The following MFSD12 variants were observed in gnomAD, a reference collection of about 807,000 sequenced individuals.
MFSD12 encodes major facilitator superfamily domain-containing protein 12.
A neutral mutation model predicts 51.2 loss-of-function variants in MFSD12; 67 were observed. The ratio of observed to expected loss-of-function variants is 1.31; its 90% CI spans 1.08 to 1.60. The LOEUF (loss-of-function observed/expected upper bound fraction) is 1.60, where lower values mean the gene tolerates loss of function less well. MFSD12 is among the 40% of genes most tolerant of loss of function. The pLI is 0.00. For synonymous variants in MFSD12, 441 were observed against 316.7 expected (o/e 1.39, Z -4.17); for missense variants, 921 against 673.0 (o/e 1.37, Z -4.08).
rs1474112125 is a variant in MFSD12 at position 3,547,345 on chromosome 19, G to A, written c.950C>T (p.Pro317Leu). The change falls in exon 6 of 10, where the codon CCC (proline) becomes CTC (leucine). Residue 317 changes from proline (P) to leucine (L), a missense_variant. Transcript: ENST00000355415. ...HLPKKFIATI[P>L]LVMYLSGFLS... ...GAAGCCGCTGAGGTACATCACCAGG[G>A]GAATGGTCGCGATGAACTTCTGCGG... 2 of 1,613,204 alleles carry A rather than the reference G, an allele frequency of 1.2e-6. No homozygotes were observed. The highest frequency in any genetic ancestry group is 1.3e-5 in the African/African-American group (1 of 74,948).
At chr19:3,547,705 A>C in intron 4 of MFSD12, 143 bp downstream of exon 4, 1 of 1,179,976 alleles carries the variant, frequency 8.5e-7, no homozygotes, top group Middle Eastern at 2.9e-4. Flanking sequence ...GGAGAGCAGC[A>C]CTTGATGAGT....
At chr19:3,550,594 G>A (rs2145207825) in intron 2 of MFSD12, among the ~76,000 whole-genome samples, 1 of 152,192 alleles carries the variant, frequency 6.6e-6, no homozygotes, top group Non-Finnish European at 1.5e-5. Flanking sequence ...GGTTTCACGT[G>A]TTAGCGAGGA....
chr19:3,541,204 C>T (rs1175500263), downstream of MFSD12, among the ~76,000 whole-genome samples: 1 of 148,094 alleles, frequency 6.8e-6, no homozygotes, highest in Non-Finnish European at 1.5e-5. Context: ...GGCATGGCGG[C>T]ACGTGCCTGT....
At chr19:3,546,670 T>A (rs901105895) in intron 6 of MFSD12, among the ~76,000 whole-genome samples, 5 of 152,192 alleles carry the variant, frequency 3.3e-5, no homozygotes, top group Non-Finnish European at 1.5e-5. Flanking sequence ...GCAGGTCAGT[T>A]ACAACGAAAG....
At chr19:3,547,664 A>C in intron 4 of MFSD12, 117 bp from the exon 5 acceptor site, 1 of 1,175,260 alleles carries the variant, frequency 8.5e-7, no homozygotes, top group Non-Finnish European at 1.2e-6. Flanking sequence ...ATCCATTGGT[A>C]GTGACTGCCC....
Position 3,546,254 on chromosome 19 carries a change from C to T in MFSD12, c.1194+1G>A, listed in dbSNP as rs745385773. ...CACCCCAGCCTGGCTACCAGCCCTA[C>T]CGTGTGGGGACCGATGAGGTCGGCC... is the stretch of plus-strand genomic sequence containing the variant. On this transcript the variant is annotated splice_donor_variant, in intron 7 of 9. Transcript: ENST00000355415. LOFTEE classifies it high-confidence loss of function. The T allele has an allele frequency of 1.2e-6, 2 of 1,610,294 alleles. No individual in the cohort carries two copies. Among genetic ancestry groups the T allele is most frequent in the Non-Finnish European group, 1.7e-6 (2 of 1,178,630 alleles).
chr19:3,548,609 G>A (rs552904410), intron 2 of MFSD12, among the ~76,000 whole-genome samples: 4 of 152,278 alleles, frequency 2.6e-5, no homozygotes, highest in Non-Finnish European at 2.9e-5. Context: ...GATGCTGGGC[G>A]GCTAAAGGGC....
Position 3,546,197 on chromosome 19 carries a change from G to A in MFSD12, c.1195-29C>T, listed in dbSNP as rs45558233. The A allele has an allele frequency of 1.5e-3, 2,482 of 1,610,210 alleles. 12 individuals carry two copies. The highest frequency in any genetic ancestry group is 0.015 in the African/African-American group (1,148 of 75,032). The stretch of plus-strand genomic sequence containing the variant: ...TGGAGACACAGGCGAGGTGGTCAGC[G>A]TGCACCCCGAGATCTAGGACCCGGC... On this transcript the variant is annotated intron_variant, in intron 7 of 9. Transcript: ENST00000355415.
In MFSD12 at chr19:3,545,639, AACC is replaced by A. The variant is rs780833360; in HGVS notation, c.1289+432_1289+434del. Among the ~76,000 whole-genome samples the A allele has an allele frequency of 8.8e-4, 134 of 152,310 alleles. 1 individual carries two copies. The highest frequency in any genetic ancestry group is 2.9e-3 in the Admixed American group (44 of 15,296). On this transcript the variant is annotated intron_variant, in intron 8 of 9. Transcript: ENST00000355415. ...TTTACACACCACCCACGCCGGTACCAACCACATGTTCACCTCTGTGACTATTAA... is the reference window on the plus strand; with the variant it reads ...TTTACACACCACCCACGCCGGTACCAACATGTTCACCTCTGTGACTATTAA...
In MFSD12 at chr19:3,547,486, A is replaced by G. The variant is rs928221846; in HGVS notation, c.899T>C (p.Met300Thr). ...IVNLSQTYMA[M>T]YLTYSLHLPK... ...CAGGTGGAGCGAGTAGGTGAGGTAC[A>G]TGGCCATGTAGGTCTGGGACAGGTT... The change falls in exon 5 of 10, where the codon ATG becomes ACG. Residue 300 changes from methionine (M) to threonine (T), a missense_variant. By Grantham distance (81) the Met-to-Thr change is moderately conservative. Transcript: ENST00000355415. 3.7e-6 allele frequency: 6 copies of G among 1,613,146 alleles called. No individual in the cohort carries two copies. Among genetic ancestry groups the G allele is most frequent in the African/African-American group, 1.3e-5 (1 of 75,058 alleles).
rs115928860 is a variant in MFSD12 at position 3,553,035 on chromosome 19, G to A, written c.299-1841C>T. On this transcript the variant is annotated intron_variant, in intron 1 of 9. Coordinates refer to ENST00000355415, the MANE Select transcript of MFSD12 (RefSeq NM_174983.5). ...GACCTCATCCCCAGACCCTGGGCCC[G>A]CCCCCAGAGAACTGGAATTGGGAAG... Among the ~76,000 whole-genome samples the A allele has an allele frequency of 2.2e-3, 335 of 152,202 alleles. 2 individuals are homozygous for A. Among genetic ancestry groups the A allele is most frequent in the African/African-American group, 7.9e-3 (329 of 41,542 alleles).
downstream of MFSD12, chr19:3,541,691 G>A: frequency 3.0e-6 from 3 of 985,394 alleles, no homozygotes; most frequent in Non-Finnish European, 3.6e-6. Context: ...TGTAATAACG[G>A]GGGTGAGTGC....
chr19:3,550,477 C>T (rs2031410200), intron 2 of MFSD12, among the ~76,000 whole-genome samples: 1 of 151,992 alleles, frequency 6.6e-6, no homozygotes, highest in African/African-American at 2.4e-5. Flanking sequence ...CTGCAAGCTC[C>T]ACCTCCCGGG....
downstream of MFSD12, chr19:3,539,454 C>T: frequency 3.5e-6 from 2 of 571,906 alleles, no homozygotes; most frequent in South Asian, 4.4e-5. Flanking sequence ...GGGCTACAGA[C>T]CTGGAGACAG....
chr19:3,544,981 A>ACC (rs748780163), intron 8 of MFSD12, 42 bp from the exon 9 acceptor site: 10 of 1,543,010 alleles, frequency 6.5e-6, no homozygotes. Flanking sequence ...CGCGGGTACC[A>ACC]CCCCCCCGCC....
downstream of MFSD12, chr19:3,543,659 CCAATCCGGGGCAAG>C: frequency 5.2e-6 from 8 of 1,541,510 alleles, no homozygotes; most frequent in Non-Finnish European, 7.0e-6. Context: ...GAAAGACAGG[CCAATCCGGGGCAAG>C]GAATACGGTG....
intron 1 of MFSD12, among the ~76,000 whole-genome samples, chr19:3,556,857 CAG>C (rs1251205343): frequency 3.0e-5 from 3 of 98,390 alleles, no homozygotes; most frequent in East Asian, 1.3e-3. Context: ...GACAGACAGA[CAG>C]GGGAGGTTCG....
chr19:3,545,806 T>A (rs959824350), intron 8 of MFSD12, among the ~76,000 whole-genome samples: 6 of 152,232 alleles, frequency 3.9e-5, no homozygotes. Context: ...TTACACGGAC[T>A]CGGGGCTCCC....
intron 1 of MFSD12, 117 bp downstream of exon 1, chr19:3,556,989 G>A (rs1165576774): frequency 3.9e-6 from 4 of 1,020,312 alleles, no homozygotes; most frequent in Non-Finnish European, 5.4e-6. Flanking sequence ...GACAGACCGA[G>A]GGGAGACTCC....
Sources: gnomAD v4.1 joint callset for allele counts (sites outside exome capture counted in the v4.1 genomes callset) on GRCh38, gnomAD v4.1.1 for gene constraint, MANE v1.5 for transcripts, NCBI Gene and HGNC (gene_info 2026-07-23, HGNC 2026-07-21) for gene names.